Variants in ADGRA3 observed in about 807,000 individuals in gnomAD.
ADGRA3 encodes adhesion G protein-coupled receptor A3, also known as G-protein coupled receptor 125.
In ADGRA3, 56 loss-of-function variants were observed where a neutral mutation model predicts 119.8. The ratio of observed to expected loss-of-function variants is 0.47; its 90% CI spans 0.38 to 0.58. The LOEUF (loss-of-function observed/expected upper bound fraction) is 0.58. ADGRA3 is among the 20% of genes least tolerant of loss of function. ADGRA3 has a pLI of 0.00. For synonymous variants in ADGRA3, 607 were observed against 623.8 expected (o/e 0.97, Z 0.40); for missense variants, 1,516 against 1,649.0 (o/e 0.92, Z 1.40).
intron 4 of ADGRA3, among the ~76,000 whole-genome samples, chr4:22,450,949 A>ATATATATAT (rs1168085129): frequency 4.1e-4 from 55 of 133,226 alleles, no homozygotes; most frequent in African/African-American, 1.5e-3. Context: ...AAAAAAAAAA[A>ATATATATAT]AAATATATAT....
At chr4:22,431,514 T>A (rs539941072) in intron 10 of ADGRA3, among the ~76,000 whole-genome samples, 1 of 152,206 alleles carries the variant, frequency 6.6e-6, no homozygotes, top group Non-Finnish European at 1.5e-5. Flanking sequence ...GCTCCGCTGT[T>A]GTGTGAATAA....
chr4:22,442,940 G>A, intron 6 of ADGRA3, 77 bp from the exon 7 acceptor site: 1 of 1,078,020 alleles, frequency 9.3e-7, no homozygotes, highest in East Asian at 2.5e-5. Flanking sequence ...AGAAATTCTA[G>A]GTAAAATAAT....
chr4:22,403,613 C>T (rs1295109735), intron 14 of ADGRA3, among the ~76,000 whole-genome samples: 20 of 151,954 alleles, frequency 1.3e-4, no homozygotes, highest in African/African-American at 3.6e-4. Context: ...TGGTGGTGTG[C>T]GCCTGTAGTT....
At chr4:22,485,890 G>C (rs1471059549) in intron 1 of ADGRA3, among the ~76,000 whole-genome samples, 2 of 152,216 alleles carry the variant, frequency 1.3e-5, no homozygotes, top group Non-Finnish European at 2.9e-5. Flanking sequence ...GCCAGACTGA[G>C]AGCAGAACTG....
intron 2 of ADGRA3, among the ~76,000 whole-genome samples, chr4:22,468,106 T>C (rs1265740485): frequency 1.3e-4 from 20 of 152,208 alleles, no homozygotes; most frequent in Non-Finnish European, 1.5e-5. Context: ...CCTCAGAATG[T>C]AACTGTGCCT....
chr4:22,482,038 ATGT>A (rs1246659487), intron 1 of ADGRA3, among the ~76,000 whole-genome samples: 1 of 152,120 alleles, frequency 6.6e-6, no homozygotes, highest in East Asian at 1.9e-4. Flanking sequence ...TGGTTCATCA[ATGT>A]CTCTTCCTTT....
At chr4:22,510,009 C>CAA (rs545010218) in intron 1 of ADGRA3, among the ~76,000 whole-genome samples, 1,941 of 98,472 alleles carry the variant, frequency 0.02, 83 homozygotes, top group African/African-American at 0.068. Flanking sequence ...GACTCCGTCT[C>CAA]AAAAAAAAAA....
chr4:22,402,863 T>C, intron 14 of ADGRA3, 64 bp from the exon 15 acceptor site: 3 of 1,525,180 alleles, frequency 2.0e-6, no homozygotes, highest in Non-Finnish European at 1.8e-6. Flanking sequence ...ACTGAGATTT[T>C]TTTGAGTGAC....
chr4:22,416,483 T>C (rs1715435084), intron 12 of ADGRA3, among the ~76,000 whole-genome samples: 1 of 152,162 alleles, frequency 6.6e-6, no homozygotes, highest in Admixed American at 6.6e-5. Flanking sequence ...TTGTTTAACC[T>C]CTCTGAGTCT....
intron 1 of ADGRA3, among the ~76,000 whole-genome samples, chr4:22,497,264 C>T (rs1057384131): frequency 1.3e-5 from 2 of 152,104 alleles, no homozygotes; most frequent in Non-Finnish European, 2.9e-5. Flanking sequence ...AAAGAATCTG[C>T]ACACTGTCCA....
At chr4:22,463,988 T>G (rs570707622) in intron 2 of ADGRA3, among the ~76,000 whole-genome samples, 4 of 152,132 alleles carry the variant, frequency 2.6e-5, no homozygotes, top group Non-Finnish European at 5.9e-5. Context: ...CTATGGTCTT[T>G]CTTGCATCTA....
At chr4:22,499,072 G>C (rs61793409) in intron 1 of ADGRA3, among the ~76,000 whole-genome samples, 9,433 of 152,212 alleles carry the variant, frequency 0.062, 518 homozygotes, top group African/African-American at 0.15. Context: ...AGATCATGAA[G>C]CAGGCAGGCC....
chr4:22,432,554 C>T lies in ADGRA3; in HGVS notation c.1443+2757G>A, dbSNP rs1458858300. On this transcript the variant is annotated intron_variant, in intron 10 of 18. Coordinates refer to ENST00000334304, the MANE Select transcript of ADGRA3 (RefSeq NM_145290.4). ...TAGTGTAAGGCGCATATCGCACTCA[C>T]ATATTTTAAAATAAGAGACAATAAG... Among the ~76,000 whole-genome samples the T allele has an allele frequency of 3.9e-5, 6 of 152,246 alleles. No homozygotes were observed. In the East Asian group the frequency reaches 1.2e-3, roughly 29 times the overall value.
chr4:22,403,611 T>TG (rs993615546), intron 14 of ADGRA3, among the ~76,000 whole-genome samples: 7 of 151,908 alleles, frequency 4.6e-5, no homozygotes, highest in Non-Finnish European at 1.0e-4. Flanking sequence ...CCTGGTGGTG[T>TG]GCGCCTGTAG....
chr4:22,443,082 T>G (rs1716685606), intron 6 of ADGRA3: 1 of 685,452 alleles, frequency 1.5e-6, no homozygotes, highest in African/African-American at 1.8e-5. Flanking sequence ...GTTCTGACAT[T>G]TAGAGTTATT....
intron 2 of ADGRA3, among the ~76,000 whole-genome samples, chr4:22,469,307 A>G (rs1717774743): frequency 6.6e-6 from 1 of 152,078 alleles, no homozygotes; most frequent in African/African-American, 2.4e-5. Flanking sequence ...TTTATTGTCT[A>G]TTTTCTCAAT....
At chr4:22,495,773 G>A (rs967801441) in intron 1 of ADGRA3, among the ~76,000 whole-genome samples, 2 of 152,082 alleles carry the variant, frequency 1.3e-5, no homozygotes, top group African/African-American at 4.8e-5. Flanking sequence ...GCCGGGCGTG[G>A]TGGCCGGCAC....
chr4:22,511,368 A>G (rs563700406), intron 1 of ADGRA3, among the ~76,000 whole-genome samples: 1 of 152,312 alleles, frequency 6.6e-6, no homozygotes, highest in Admixed American at 6.5e-5. Context: ...ATCCCTCAAT[A>G]CAAAAGTCTA....
intron 1 of ADGRA3, among the ~76,000 whole-genome samples, chr4:22,513,547 T>C (rs1188989564): frequency 1.3e-5 from 2 of 151,394 alleles, no homozygotes; most frequent in African/African-American, 2.4e-5. Flanking sequence ...AGTCTCACTC[T>C]GTTACATAGG....
Sources: gnomAD v4.1 joint callset for allele counts (sites outside exome capture counted in the v4.1 genomes callset) on GRCh38, gnomAD v4.1.1 for gene constraint, MANE v1.5 for transcripts, NCBI Gene and HGNC (gene_info 2026-07-23, HGNC 2026-07-21) for gene names.